Variants in NUP85 observed in about 807,000 individuals in gnomAD.
NUP85 encodes the protein nucleoporin 85, also known as nuclear pore complex protein Nup85.
A neutral mutation model predicts 92.8 loss-of-function variants in NUP85; 23 were observed. That is an observed-to-expected ratio of 0.25 (90% CI 0.18 to 0.35). The LOEUF (loss-of-function observed/expected upper bound fraction) is 0.35. NUP85 is among the 10% of genes least tolerant of loss of function. The pLI is 1.00. For synonymous variants in NUP85, 314 were observed against 306.9 expected, an observed-to-expected ratio of 1.02 and a Z score of -0.24; for missense variants, 759 against 822.8, an observed-to-expected ratio of 0.92 and a Z score of 0.95.
At chr17:75,214,524 T>A (rs1047865236) in intron 5 of NUP85, among the ~76,000 whole-genome samples, 1 of 152,224 alleles carries the variant, frequency 6.6e-6, no homozygotes, top group African/African-American at 2.4e-5. Flanking sequence ...AAATATTGTC[T>A]CTTCTTTTTA....
At chr17:75,206,499 T>G (rs1205020518) in intron 1 of NUP85, among the ~76,000 whole-genome samples, 5 of 151,844 alleles carry the variant, frequency 3.3e-5, no homozygotes, top group Admixed American at 6.6e-5. Flanking sequence ...AAAGATGGTT[T>G]TGGGAACATC....
chr17:75,229,791 AGCCCT>A (rs2075972617), intron 11 of NUP85, among the ~76,000 whole-genome samples: 6 of 152,102 alleles, frequency 3.9e-5, no homozygotes, highest in Non-Finnish European at 8.8e-5. Flanking sequence ...GCACTGTCTC[AGCCCT>A]TCCTTCCAGT....
chr17:75,226,022 G>A lies in NUP85; in HGVS notation c.988-29G>A, dbSNP rs758753863. The A allele has an allele frequency of 3.7e-6, 6 of 1,612,498 alleles. No individual in the cohort carries two copies. The South Asian group carries it at 6.6e-5, about 18-fold the overall frequency. On this transcript the variant is annotated intron_variant, in intron 10 of 18. Transcript: ENST00000245544. ...CCCCGAGTCTCTGCTTCCGTCCTCA[G>A]GATTGAGTGTCTCATCACCTTTCCA... is the stretch of plus-strand genomic sequence containing the variant.
At chr17:75,211,429 CTTTT>C (rs35830323) in intron 3 of NUP85, among the ~76,000 whole-genome samples, 1 of 139,234 alleles carries the variant, frequency 7.2e-6, no homozygotes. Flanking sequence ...CTGTCTTATT[CTTTT>C]TTTTTTTTTT....
chr17:75,210,902 C>A (rs564245255), intron 3 of NUP85, among the ~76,000 whole-genome samples: 4 of 151,356 alleles, frequency 2.6e-5, no homozygotes, highest in African/African-American at 9.7e-5. Context: ...GGGGTTTCAC[C>A]GTGTTAGCCA....
rs1359923036 is a variant in NUP85, at chr17:75,225,169, G to A, written c.664G>A (p.Ala222Thr). Residue 222 changes from alanine (A) to threonine (T), a missense_variant, in exon 8 of 19, where the codon GCC (alanine) becomes ACC (threonine). Ala to Thr is a moderately conservative substitution (Grantham distance 58). Coordinates refer to ENST00000245544, the MANE Select transcript of NUP85 (RefSeq NM_024844.5). ...ACAGATGCTCTCCAAGGAAGCCGAT[G>A]CCAGCCCCGCCTCTGCAGGCATATG... ...ARQMLSKEAD[A>T]SPASAGICRI... 6.2e-7 allele frequency: 1 copy of A among 1,605,904 alleles called. No individual in the cohort carries two copies. The highest frequency in any genetic ancestry group is 1.1e-5 in the South Asian group (1 of 89,894).
chr17:75,210,072 T>C (rs2145270479), intron 3 of NUP85, 87 bp downstream of exon 3: 1 of 1,355,718 alleles, frequency 7.4e-7, no homozygotes, highest in Non-Finnish European at 1.0e-6. Flanking sequence ...GTGTGTTTTA[T>C]GGGTTGCGTA....
intron 7 of NUP85, among the ~76,000 whole-genome samples, chr17:75,221,992 A>G (rs2075610039): frequency 6.6e-6 from 1 of 152,052 alleles, no homozygotes. Context: ...TTGGAGGCAA[A>G]CTGGTATTTA....
intron 7 of NUP85, among the ~76,000 whole-genome samples, chr17:75,219,905 G>C (rs1056417020): frequency 6.6e-6 from 1 of 152,072 alleles, no homozygotes; most frequent in Non-Finnish European, 1.5e-5. Flanking sequence ...CTAGAGCCAG[G>C]GTGGGGCAGG....
chr17:75,230,528 T>G (rs2076011990), intron 11 of NUP85, among the ~76,000 whole-genome samples: 1 of 151,814 alleles, frequency 6.6e-6, no homozygotes, highest in South Asian at 2.1e-4. Flanking sequence ...TCCGGCTAAT[T>G]TTTTGTACTT....
chr17:75,233,452 T>C (rs1487277317), intron 16 of NUP85, among the ~76,000 whole-genome samples: 13 of 146,476 alleles, frequency 8.9e-5, no homozygotes, highest in African/African-American at 1.5e-4. Context: ...TTTTTTTTTT[T>C]GAGACAGAAT....
At position 75,234,665 on chromosome 17, in the gene NUP85, C is replaced by T. The variant is rs776099938; in HGVS notation, c.1644C>T (p.Tyr548=). 9.9e-6 allele frequency: 16 copies of T among 1,614,178 alleles called. No homozygotes were observed. Among genetic ancestry groups the T allele is most frequent in the Middle Eastern group, 1.6e-4 (1 of 6,062 alleles). Reference sequence around the variant, plus strand: ...AGTATCGCGAGTTCCACCGTATGTACGGGGAGAAGCGTTTTGCCGACGCAG... The same window carrying T: ...AGTATCGCGAGTTCCACCGTATGTATGGGGAGAAGCGTTTTGCCGACGCAG... ...LGKYREFHRM[Y]GEKRFADAAS... Residue 548 remains tyrosine (Y), a synonymous_variant, in exon 17 of 19, where the codon TAC becomes TAT. Coordinates refer to ENST00000245544, the MANE Select transcript of NUP85 (RefSeq NM_024844.5).
Position 75,212,052 on chromosome 17 carries a change from C to T in NUP85, c.351C>T (p.His117=), listed in dbSNP as rs369704495. Residue 117 remains histidine, a synonymous_variant, in exon 4 of 19, where the codon CAC becomes CAT. Coordinates refer to ENST00000245544, the MANE Select transcript of NUP85 (RefSeq NM_024844.5). ...TCAGAGCATGTATGGAGGAAATGCACCAGGTTGCAAGTAAGGACTGTGTGC... is the reference window on the plus strand; with the variant it reads ...TCAGAGCATGTATGGAGGAAATGCATCAGGTTGCAAGTAAGGACTGTGTGC... ...SVIRACMEEM[H]QVAIAAKDPA... 1 of 1,612,166 alleles carries T rather than the reference C, an allele frequency of 6.2e-7. No homozygotes were observed. Among genetic ancestry groups the T allele is most frequent in the African/African-American group, 1.3e-5 (1 of 74,572 alleles).
chr17:75,220,413 A>G (rs2075563785), intron 7 of NUP85, among the ~76,000 whole-genome samples: 1 of 147,438 alleles, frequency 6.8e-6, no homozygotes, highest in Non-Finnish European at 1.5e-5. Flanking sequence ...ATGAGCCACC[A>G]TGCCTGGCCT....
At chr17:75,233,425 CTTTTATTTTTTCTTTTTTT>C (rs2076171298) in intron 16 of NUP85, among the ~76,000 whole-genome samples, 1 of 89,324 alleles carries the variant, frequency 1.1e-5, no homozygotes, top group African/African-American at 4.7e-5. Flanking sequence ...TTCTTCTTTT[CTTTTATTTTTTCTTTTTTT>C]TTTTTTTTGA....
intron 5 of NUP85, among the ~76,000 whole-genome samples, chr17:75,214,541 T>C (rs1820894731): frequency 6.6e-6 from 1 of 152,208 alleles, no homozygotes; most frequent in Non-Finnish European, 1.5e-5. Flanking sequence ...TTTACTCAAA[T>C]GAAGCACCTT....
At chr17:75,232,110 C>T in intron 14 of NUP85, 131 bp downstream of exon 14, 2 of 912,460 alleles carry the variant, frequency 2.2e-6, no homozygotes. Context: ...GCTGTGGACG[C>T]CAAGAGGTAA....
chr17:75,232,242 C>T (rs2076091656), intron 14 of NUP85: 2 of 461,746 alleles, frequency 4.3e-6, no homozygotes, highest in South Asian at 2.3e-5. Context: ...CACTTGATTC[C>T]ACGAGGTCAG....
At position 75,231,962 on chromosome 17, in the gene NUP85, G is replaced by A. The variant is rs1159700153; in HGVS notation, c.1379G>A (p.Arg460Gln). The part of the protein sequence containing the change: ...ALKVLRICEQ[R>Q]QMTEQVRSIC... ...AAGGTGCTGCGGATCTGTGAGCAGC[G>A]GCAGATGACTGAACAAGGTGAGCTG... Residue 460 changes from arginine (R) to glutamine (Q), a missense_variant, in exon 14 of 19, where the codon CGG becomes CAG. Arg to Gln is a conservative substitution (Grantham distance 43). Transcript: ENST00000245544. This position sits in a 1 kb window ranked among gnomAD's most constrained non-coding sequence, Gnocchi z 4.6. The A allele has an allele frequency of 5.6e-6, 9 of 1,614,174 alleles. No individual in the cohort carries two copies. Among genetic ancestry groups the A allele is most frequent in the Admixed American group, 3.3e-5 (2 of 60,026 alleles).
Sources: allele counts gnomAD v4.1 joint callset (sites outside exome capture counted in the v4.1 genomes callset), GRCh38; gene constraint gnomAD v4.1.1; non-coding constraint Gnocchi (gnomAD v3.1); transcripts MANE v1.5; gene names NCBI Gene and HGNC (gene_info 2026-07-23, HGNC 2026-07-21).